MYO1C: variants seen among roughly 807,000 people sequenced by gnomAD.
MYO1C encodes unconventional myosin-Ic.
In MYO1C, 104 loss-of-function variants were observed where a neutral mutation model predicts 150.8. That is an observed-to-expected ratio of 0.69 (90% confidence interval 0.59 to 0.81). The LOEUF is 0.81. Among genes scored for constraint, MYO1C ranks in the 30% least tolerant of loss-of-function variants. The pLI is 0.00. For synonymous variants in MYO1C, 663 were observed against 579.9 expected (o/e 1.14, Z -2.06); for missense variants, 1,504 against 1,435.0 (o/e 1.05, Z -0.78).
chr17:1,475,233 A>G (rs2074380805), intron 14 of MYO1C, among the ~76,000 whole-genome samples: 1 of 152,228 alleles, frequency 6.6e-6, no homozygotes, highest in Non-Finnish European at 1.5e-5. Flanking sequence ...AGCTTGGTCA[A>G]TATGGTGAAA....
At chr17:1,475,077 C>T in intron 14 of MYO1C, 45 bp from the exon 15 acceptor site, 1 of 1,540,522 alleles carries the variant, frequency 6.5e-7, no homozygotes, top group Non-Finnish European at 8.8e-7. Flanking sequence ...CCGGCCTGAG[C>T]CAAGCCCTCT....
chr17:1,476,426 A>C (rs1029607984), intron 14 of MYO1C, among the ~76,000 whole-genome samples: 1 of 152,190 alleles, frequency 6.6e-6, no homozygotes, highest in Admixed American at 6.5e-5. Flanking sequence ...CTGCCCACCT[A>C]GGCCTCCCAC....
In MYO1C at chr17:1,485,208, G is replaced by A. The variant is rs1293370509; in HGVS notation, c.76-905C>T. On this transcript the variant is annotated intron_variant, in intron 1 of 31. Coordinates refer to ENST00000648651, the MANE Select transcript of MYO1C (RefSeq NM_001080779.2). ...AGACCCTCGCCCCACAACCAGGGCTGAGATGGATCCCTCTTCAAACAGGGT... is the reference window on the plus strand; with the variant it reads ...AGACCCTCGCCCCACAACCAGGGCTAAGATGGATCCCTCTTCAAACAGGGT... The A allele has an allele frequency of 5.9e-6, 7 of 1,180,382 alleles. No individual in the cohort carries two copies. In the East Asian group the frequency reaches 3.8e-4, roughly 65 times the overall value. 73.1% of individuals were successfully genotyped at this position (1,180,382 alleles called of 1,614,324 possible).
chr17:1,470,532 C>A lies in MYO1C; in HGVS notation c.2282-13G>T. On this transcript the variant is annotated splice_polypyrimidine_tract_variant and intron_variant, in intron 22 of 31. Coordinates refer to ENST00000648651, the MANE Select transcript of MYO1C (RefSeq NM_001080779.2). Reference sequence around the variant, plus strand: ...TGGATGCAGATGGCTGTCGTGGAGACCACAGATGGCTGAACTCTATCTTCT... The same window carrying A: ...TGGATGCAGATGGCTGTCGTGGAGAACACAGATGGCTGAACTCTATCTTCT... 1 of 1,555,714 alleles carries A rather than the reference C, an allele frequency of 6.4e-7. No homozygotes were observed. The highest frequency in any genetic ancestry group is 1.4e-5 in the African/African-American group (1 of 73,486).
intron 1 of MYO1C, chr17:1,484,916 A>G: frequency 2.4e-6 from 1 of 422,672 alleles, no homozygotes; most frequent in Non-Finnish European, 4.6e-6. Context: ...AGCGTCGAGC[A>G]CCAAGCAAGA....
chr17:1,466,185 G>A (rs1238703011), intron 31 of MYO1C, among the ~76,000 whole-genome samples: 1 of 133,412 alleles, frequency 7.5e-6, no homozygotes, highest in Non-Finnish European at 1.6e-5. Context: ...TTGAGACAGG[G>A]TCTCATTTTG....
At position 1,468,060 on chromosome 17, in the gene MYO1C, G is replaced by A. The variant is rs2074217047; in HGVS notation, c.2824C>T (p.Leu942Phe). ...ACGATGACGACGGCGTTGGGCGTGAGCAGCAGCTGCCGGGAGCGAGGCTTG... is the reference window on the plus strand; with the variant it reads ...ACGATGACGACGGCGTTGGGCGTGAACAGCAGCTGCCGGGAGCGAGGCTTG... Reference protein sequence around the residue: ...GYKPRSRQLLLTPNAVVIVED... With the variant: ...GYKPRSRQLLFTPNAVVIVED... The change falls in exon 28 of 32, where the codon CTC becomes TTC. Residue 942 changes from leucine (L) to phenylalanine (F), a missense_variant. Coordinates refer to ENST00000648651, the MANE Select transcript of MYO1C (RefSeq NM_001080779.2). 3 of 1,613,272 alleles carry A rather than the reference G, an allele frequency of 1.9e-6. No homozygotes were observed. Among genetic ancestry groups the A allele is most frequent in the African/African-American group, 1.3e-5 (1 of 74,724 alleles).
chr17:1,467,479 C>T lies in MYO1C; in HGVS notation c.3065+1G>A. On this transcript the variant is annotated splice_donor_variant, in intron 30 of 31. Coordinates refer to ENST00000648651, the MANE Select transcript of MYO1C (RefSeq NM_001080779.2). LOFTEE classifies it high-confidence loss of function. ...GTCCCCGGGGGCCGCCCGCGCCTCACCTGCCCTGGTTGATGTTGATGCTGT... is the reference window on the plus strand; with the variant it reads ...GTCCCCGGGGGCCGCCCGCGCCTCATCTGCCCTGGTTGATGTTGATGCTGT... 1 of 1,613,096 alleles carries T rather than the reference C, an allele frequency of 6.2e-7. No individual in the cohort carries two copies. The highest frequency in any genetic ancestry group is 8.5e-7 in the Non-Finnish European group (1 of 1,179,906).
In MYO1C at chr17:1,482,550, T is replaced by A; in HGVS notation, c.555A>T (p.Gly185=). 1 of 1,613,808 alleles carries A rather than the reference T, an allele frequency of 6.2e-7. No homozygotes were observed. The highest frequency in any genetic ancestry group is 8.5e-7 in the Non-Finnish European group (1 of 1,179,858). ...LQSNPVLEAF[G]NAKTLRNDNS... ...TATCGTTCCGGAGGGTCTTGGCATTTCCAAAGGCCTAGGAGTGGACAGGGG... is the reference window on the plus strand; with the variant it reads ...TATCGTTCCGGAGGGTCTTGGCATTACCAAAGGCCTAGGAGTGGACAGGGG... The change falls in exon 5 of 32, where the codon GGA becomes GGT. Residue 185 remains glycine, a synonymous_variant. Coordinates refer to ENST00000648651, the MANE Select transcript of MYO1C (RefSeq NM_001080779.2).
intron 27 of MYO1C, 28 bp downstream of exon 27, chr17:1,468,225 G>A (rs1178749390): frequency 6.2e-7 from 1 of 1,612,484 alleles, no homozygotes; most frequent in African/African-American, 1.3e-5. Context: ...CCGTGCTGCT[G>A]GACTCAGGGC....
intron 31 of MYO1C, among the ~76,000 whole-genome samples, chr17:1,465,957 G>T (rs1388549846): frequency 2.0e-5 from 3 of 151,256 alleles, no homozygotes; most frequent in Non-Finnish European, 4.4e-5. Flanking sequence ...GTGAGCCGCC[G>T]CACCCAGCCC....
In MYO1C at chr17:1,467,254, C is replaced by A. The variant is rs749229394; in HGVS notation, c.3153G>T (p.Gly1051=). Residue 1051 remains glycine (G), a synonymous_variant, in exon 31 of 32, where the codon GGG becomes GGT. Transcript: ENST00000648651. ...SELLITKAKN[G]HLAVVAPRLN... ...AGGCCCCACTCACCACAGCCAGGTG[C>A]CCGTTCTTGGCCTTGGTGATGAGCA... 1.2e-6 allele frequency: 2 copies of A among 1,612,562 alleles called. No individual in the cohort carries two copies. The highest frequency in any genetic ancestry group is 1.1e-5 in the South Asian group (1 of 90,664).
rs532925475 is a variant in MYO1C, at chr17:1,478,557, C to A, written c.1212+59G>T. ...CGTGCCAGCCCCACCCTGCAGCACC[C>A]CCCGCCTCGCCGACGGCCCTCCCTT... On this transcript the variant is annotated intron_variant, in intron 10 of 31. Coordinates refer to ENST00000648651, the MANE Select transcript of MYO1C (RefSeq NM_001080779.2). This position sits in a 1 kb window ranked among gnomAD's most constrained non-coding sequence, Gnocchi z 6.3. The A allele has an allele frequency of 6.2e-7, 1 of 1,613,720 alleles. No individual in the cohort carries two copies. The highest frequency in any genetic ancestry group is 8.5e-7 in the Non-Finnish European group (1 of 1,179,940).
intron 19 of MYO1C, 45 bp from the exon 20 acceptor site, chr17:1,471,381 G>T (rs1488915918): frequency 6.5e-7 from 1 of 1,546,778 alleles, no homozygotes; most frequent in East Asian, 2.3e-5. Context: ...TCAGCAGCCT[G>T]CCCTGGGGAC....
At chr17:1,469,227 G>C (rs1408020042) in intron 25 of MYO1C, 18 of 430,254 alleles carry the variant, frequency 4.2e-5, no homozygotes, top group Non-Finnish European at 4.4e-6. Flanking sequence ...AAATACGGTA[G>C]ACCGGGGTCA....
intron 1 of MYO1C, among the ~76,000 whole-genome samples, chr17:1,490,140 C>G (rs1218367804): frequency 6.6e-6 from 1 of 151,992 alleles, no homozygotes; most frequent in Non-Finnish European, 1.5e-5. Context: ...TCATCACAGC[C>G]TGGCATTAAC....
intron 31 of MYO1C, among the ~76,000 whole-genome samples, chr17:1,466,333 T>C (rs2074170658): frequency 1.3e-5 from 2 of 151,936 alleles, no homozygotes; most frequent in African/African-American, 4.8e-5. Flanking sequence ...GCTAACTTTT[T>C]TGTATACAAA....
rs749624381 is a variant in MYO1C, at chr17:1,479,682, G to A, written c.930C>T (p.Ser310=). ...AGTGGATGTTGCCCAAATGAAGGAC[G>A]CTGGCCACGATGCTCAGCAGGTCCT... is the stretch of plus-strand genomic sequence containing the variant. ...EVEDLLSIVA[S]VLHLGNIHFA... The change falls in exon 8 of 32, where the codon AGC becomes AGT. Residue 310 remains serine (S), a synonymous_variant. Coordinates refer to ENST00000648651, the MANE Select transcript of MYO1C (RefSeq NM_001080779.2). This position sits in a 1 kb window ranked among gnomAD's most constrained non-coding sequence, Gnocchi z 4.2. 1.2e-5 allele frequency: 20 copies of A among 1,612,588 alleles called. No individual in the cohort carries two copies. Among genetic ancestry groups the A allele is most frequent in the African/African-American group, 6.7e-5 (5 of 74,864 alleles).
chr17:1,467,139 T>C (rs2074189519), intron 31 of MYO1C, 103 bp downstream of exon 31: 3 of 1,090,672 alleles, frequency 2.8e-6, no homozygotes, highest in Non-Finnish European at 4.1e-6. Context: ...TGATGGCCTC[T>C]GGATGAAGGC....
Sources: allele counts gnomAD v4.1 joint callset (sites outside exome capture counted in the v4.1 genomes callset), GRCh38; gene constraint gnomAD v4.1.1; non-coding constraint Gnocchi (gnomAD v3.1); transcripts MANE v1.5; gene names NCBI Gene and HGNC (gene_info 2026-07-23, HGNC 2026-07-21).